ADAMTSL1: variants seen among roughly 807,000 people sequenced by gnomAD.
The protein encoded by ADAMTSL1 is ADAMTS like 1.
In ADAMTSL1, 126 loss-of-function variants were observed where a neutral mutation model predicts 201.8. The ratio of observed to expected loss-of-function variants is 0.62; its 90% CI spans 0.54 to 0.72. The LOEUF (loss-of-function observed/expected upper bound fraction) is 0.72. Among genes scored for constraint, ADAMTSL1 ranks in the 30% least tolerant of loss-of-function variants. ADAMTSL1 has a pLI of 0.00. For missense variants in ADAMTSL1, 2,679 were observed against 2,277.8 expected (o/e 1.18, Z -3.59); for synonymous variants, 1,121 against 903.4 (o/e 1.24, Z -4.32).
chr9:18,453,483 G>A (rs1820491121), intron 2 of ADAMTSL1, among the ~76,000 whole-genome samples: 1 of 152,036 alleles, frequency 6.6e-6, no homozygotes, highest in Non-Finnish European at 1.5e-5. Context: ...ATCTGAACAT[G>A]CTTTTTTAAT....
Position 18,465,212 on chromosome 9 carries a change from G to T in ADAMTSL1, c.208-39617G>T, listed in dbSNP as rs148393345. Among the ~76,000 whole-genome samples, 4 of 152,228 alleles carry T rather than the reference G, an allele frequency of 2.6e-5. No homozygotes were observed. The East Asian group carries it at 7.7e-4, about 29-fold the overall frequency. Reference sequence around the variant, plus strand: ...TTCTCCCAGAGGCCAGTATGAAATGGGCCAAGCTTGTAGCTTTCTGATTGT... The same window carrying T: ...TTCTCCCAGAGGCCAGTATGAAATGTGCCAAGCTTGTAGCTTTCTGATTGT... On this transcript the variant is annotated intron_variant, in intron 2 of 29. Transcript: ENST00000680146.
chr9:18,135,639 A>T (rs931719676), intron 1 of ADAMTSL1, among the ~76,000 whole-genome samples: 1 of 152,010 alleles, frequency 6.6e-6, no homozygotes, highest in Non-Finnish European at 1.5e-5. Context: ...AAAAAAATAC[A>T]GAGTTTTCTT....
chr9:18,572,912 T>C (rs1822432683), intron 3 of ADAMTSL1, among the ~76,000 whole-genome samples: 1 of 152,182 alleles, frequency 6.6e-6, no homozygotes, highest in South Asian at 2.1e-4. Context: ...GACGACAGTC[T>C]TCCATGGTAA....
At chr9:18,150,063 A>C (rs1239396197) in intron 1 of ADAMTSL1, among the ~76,000 whole-genome samples, 1 of 152,068 alleles carries the variant, frequency 6.6e-6, no homozygotes, top group Admixed American at 6.6e-5. Flanking sequence ...GGTTCCTGGG[A>C]GACATTTGTT....
chr9:18,319,800 T>G (rs1390465110), intron 2 of ADAMTSL1, among the ~76,000 whole-genome samples: 5 of 152,200 alleles, frequency 3.3e-5, no homozygotes, highest in African/African-American at 1.2e-4. Context: ...CTTAATCACC[T>G]GAATCTGTGA....
rs76778655 is a variant in ADAMTSL1, at chr9:18,866,116, C to CAAAA, written c.4250-21704_4250-21701dup. 8.1e-4 allele frequency among the ~76,000 whole-genome samples: 64 copies of CAAAA among 78,574 alleles called. 11 individuals are homozygous for CAAAA. Among genetic ancestry groups the CAAAA allele is most frequent in the African/African-American group, 3.9e-3 (53 of 13,598 alleles). 51.5% of individuals were successfully genotyped at this position (78,574 alleles called of 152,430 possible). A position where few individuals can be genotyped will look rare whatever the true frequency, so the allele number is the denominator to read the frequency against. On this transcript the variant is annotated intron_variant, in intron 23 of 28. Transcript: ENST00000380548. ...AGAGAGATTGCTTGCCTTCAAAAACCAAAAAAAAAAAAAATGACGGATACT... is the reference window on the plus strand; with the variant it reads ...AGAGAGATTGCTTGCCTTCAAAAACCAAAAAAAAAAAAAAAAAATGACGGATACT...
At chr9:18,188,068 A>G (rs1450068410) in intron 2 of ADAMTSL1, among the ~76,000 whole-genome samples, 1 of 152,110 alleles carries the variant, frequency 6.6e-6, no homozygotes, top group Non-Finnish European at 1.5e-5. Context: ...GACGGAAGAT[A>G]AACAAAATAT....
At chr9:18,341,670 T>C (rs1374977401) in intron 2 of ADAMTSL1, among the ~76,000 whole-genome samples, 2 of 152,198 alleles carry the variant, frequency 1.3e-5, no homozygotes, top group Non-Finnish European at 2.9e-5. Context: ...TTTTATTTTC[T>C]CTCATTTTAG....
At chr9:18,807,713 T>C (rs1168762376) in intron 20 of ADAMTSL1, among the ~76,000 whole-genome samples, 2 of 151,592 alleles carry the variant, frequency 1.3e-5, no homozygotes, top group Admixed American at 1.3e-4. Flanking sequence ...GCGCATTCAG[T>C]GGAGGGCTCA....
At chr9:18,203,495 T>G (rs1485220792) in intron 2 of ADAMTSL1, among the ~76,000 whole-genome samples, 1 of 151,354 alleles carries the variant, frequency 6.6e-6, no homozygotes, top group Non-Finnish European at 1.5e-5. Context: ...CCAAAAAGCC[T>G]AGGCTCAGGA....
intron 5 of ADAMTSL1, among the ~76,000 whole-genome samples, chr9:18,631,755 T>C (rs897032610): frequency 2.0e-5 from 3 of 152,208 alleles, no homozygotes. Flanking sequence ...TAGATATTTT[T>C]TAAAGAATAC....
intron 2 of ADAMTSL1, among the ~76,000 whole-genome samples, chr9:18,412,680 G>A (rs370369444): frequency 1.2e-4 from 19 of 152,132 alleles, no homozygotes; most frequent in African/African-American, 4.6e-4. Context: ...ATCCAACAGA[G>A]TTATTCCTTT....
At chr9:18,104,592 A>G (rs1824675664) in intron 1 of ADAMTSL1, among the ~76,000 whole-genome samples, 1 of 152,104 alleles carries the variant, frequency 6.6e-6, no homozygotes, top group Non-Finnish European at 1.5e-5. Flanking sequence ...TCCAAAAGGC[A>G]GGAGGGAGGG....
chr9:18,273,212 A>G (rs1587443278), intron 2 of ADAMTSL1, among the ~76,000 whole-genome samples: 1 of 152,114 alleles, frequency 6.6e-6, no homozygotes, highest in South Asian at 2.1e-4. Context: ...CCCAAGTAGC[A>G]GGGACTACAG....
intron 9 of ADAMTSL1, among the ~76,000 whole-genome samples, chr9:18,665,634 G>A (rs1368748208): frequency 1.3e-5 from 2 of 151,938 alleles, no homozygotes; most frequent in Non-Finnish European, 2.9e-5. Flanking sequence ...CTATTTTTTG[G>A]TTCTCATTCT....
At chr9:18,287,471 G>A (rs61395617) in intron 2 of ADAMTSL1, among the ~76,000 whole-genome samples, 9,175 of 151,114 alleles carry the variant, frequency 0.061, 928 homozygotes, top group African/African-American at 0.21. Flanking sequence ...ATATGTAAAT[G>A]TATGTTCAGA....
chr9:18,345,350 A>G (rs1312384110), intron 2 of ADAMTSL1, among the ~76,000 whole-genome samples: 1 of 152,206 alleles, frequency 6.6e-6, no homozygotes, highest in Non-Finnish European at 1.5e-5. Context: ...CTGTTCTTAG[A>G]GTTGTTTCTA....
chr9:18,861,477 A>G (rs139774649), intron 23 of ADAMTSL1, among the ~76,000 whole-genome samples: 17 of 152,320 alleles, frequency 1.1e-4, no homozygotes, highest in African/African-American at 3.8e-4. Context: ...AGAGTCCACT[A>G]AATGCTCCAC....
chr9:18,856,699 C>T (rs1826875087), intron 23 of ADAMTSL1, among the ~76,000 whole-genome samples: 1 of 152,030 alleles, frequency 6.6e-6, no homozygotes, highest in Admixed American at 6.6e-5. Context: ...CTCAAGCAAT[C>T]CTCCTGCCTC....
Sources: gnomAD v4.1 joint callset for allele counts (sites outside exome capture counted in the v4.1 genomes callset) on GRCh38, gnomAD v4.1.1 for gene constraint, MANE v1.5 for transcripts, NCBI Gene and HGNC (gene_info 2026-07-23, HGNC 2026-07-21) for gene names.